The following NPSR1 variants were observed in gnomAD, a reference collection of about 807,000 sequenced individuals.
The protein encoded by NPSR1 is neuropeptide S receptor.
NPSR1 carries 48 observed loss-of-function variants against 46.9 expected under a neutral mutation model. The ratio of observed to expected loss-of-function variants is 1.02; its 90% CI spans 0.81 to 1.30. The LOEUF is 1.30. Among genes scored for constraint, NPSR1 ranks in the 50% most tolerant of loss-of-function variants. The pLI is 0.00. For synonymous variants in NPSR1, 176 were observed against 168.1 expected (o/e 1.05, Z -0.36); for missense variants, 450 against 449.5 (o/e 1.00, Z -0.01).
rs578245914 is a variant in NPSR1, at chr7:34,783,961, G to T, written c.384+5396G>T. On this transcript the variant is annotated intron_variant, in intron 3 of 8. Transcript: ENST00000360581. ...GAAAGATTTCCCCAGACAAACAAAA[G>T]CTGAAAGAGTTCATCACCACCAAAC... Among the ~76,000 whole-genome samples, 10 of 151,884 alleles carry T rather than the reference G, an allele frequency of 6.6e-5. No individual in the cohort carries two copies. In the South Asian group the frequency reaches 2.1e-3, roughly 32 times the overall value.
chr7:34,665,257 A>G (rs1288313420), intron 1 of NPSR1, among the ~76,000 whole-genome samples: 2 of 152,190 alleles, frequency 1.3e-5, no homozygotes, highest in African/African-American at 4.8e-5. Context: ...ACAGTAGCAA[A>G]CAGGTCAACT....
chr7:34,836,201 G>A (rs1790361660), intron 6 of NPSR1, among the ~76,000 whole-genome samples: 1 of 152,102 alleles, frequency 6.6e-6, no homozygotes, highest in African/African-American at 2.4e-5. Flanking sequence ...AGCAATCAGA[G>A]AGAATAAACA....
At position 34,757,278 on chromosome 7, in the gene NPSR1, G is replaced by T. The variant is rs148246227; in HGVS notation, c.281-21184G>T. ...TAGTCACTCCTTCTGTTAGGTTGGT[G>T]CAAAAGTAATTGCCATTACTTTTAG... On this transcript the variant is annotated intron_variant, in intron 2 of 8. Transcript: ENST00000360581. 9.2e-5 allele frequency among the ~76,000 whole-genome samples: 14 copies of T among 152,216 alleles called. No homozygotes were observed. The East Asian group carries it at 2.7e-3, about 29-fold the overall frequency.
At chr7:34,756,429 G>C (rs895128078) in intron 2 of NPSR1, among the ~76,000 whole-genome samples, 1 of 152,190 alleles carries the variant, frequency 6.6e-6, no homozygotes, top group Non-Finnish European at 1.5e-5. Flanking sequence ...AATGGAAAGA[G>C]CAGGGGTCTA....
At chr7:34,695,179 C>A (rs922516749) in intron 2 of NPSR1, among the ~76,000 whole-genome samples, 2 of 152,068 alleles carry the variant, frequency 1.3e-5, no homozygotes, top group African/African-American at 2.4e-5. Flanking sequence ...TGCAACCAAC[C>A]CATCTTTAAC....
intron 2 of NPSR1, among the ~76,000 whole-genome samples, chr7:34,771,636 A>C (rs1338674212): frequency 1.3e-5 from 2 of 152,236 alleles, no homozygotes; most frequent in African/African-American, 4.8e-5. Flanking sequence ...AATAAAGAAG[A>C]AAAGACACAA....
chr7:34,799,672 A>C lies in NPSR1; in HGVS notation c.385-12098A>C, dbSNP rs560691766. ...AACTGCATCAACTAACGAGCAAAATAACCAGCTAACATCATAATGACAGGA... is the reference window on the plus strand; with the variant it reads ...AACTGCATCAACTAACGAGCAAAATCACCAGCTAACATCATAATGACAGGA... On this transcript the variant is annotated intron_variant, in intron 3 of 8. Transcript: ENST00000360581. 3.2e-3 allele frequency among the ~76,000 whole-genome samples: 471 copies of C among 146,532 alleles called. 3 individuals carry two copies. The highest frequency in any genetic ancestry group is 5.6e-3 in the Non-Finnish European group (377 of 67,058).
chr7:34,772,364 G>C (rs1786725150), intron 2 of NPSR1, among the ~76,000 whole-genome samples: 1 of 152,224 alleles, frequency 6.6e-6, no homozygotes, highest in Non-Finnish European at 1.5e-5. Context: ...TTCTTTTGTT[G>C]TTCAGCTGTT....
intron 2 of NPSR1, among the ~76,000 whole-genome samples, chr7:34,714,271 C>T (rs991146104): frequency 3.9e-5 from 6 of 152,218 alleles, no homozygotes; most frequent in Admixed American, 3.9e-4. Context: ...AATGTCCATT[C>T]TGCCGCATTC....
intron 2 of NPSR1, among the ~76,000 whole-genome samples, chr7:34,704,637 G>A (rs1231232115): frequency 2.0e-5 from 3 of 152,198 alleles, no homozygotes; most frequent in Non-Finnish European, 2.9e-5. Flanking sequence ...CAGAGTTTGG[G>A]AGTCAGCCCA....
chr7:34,796,090 T>A (rs1056902375), intron 3 of NPSR1, among the ~76,000 whole-genome samples: 1 of 152,004 alleles, frequency 6.6e-6, no homozygotes, highest in African/African-American at 2.4e-5. Flanking sequence ...CCAGAAATAG[T>A]CTGGCAAAAA....
intron 4 of NPSR1, among the ~76,000 whole-genome samples, chr7:34,822,557 A>G (rs993128310): frequency 5.9e-5 from 9 of 152,278 alleles, no homozygotes; most frequent in African/African-American, 2.2e-4. Flanking sequence ...AATAAAGAGA[A>G]ATATGCAGTG....
intron 1 of NPSR1, among the ~76,000 whole-genome samples, chr7:34,675,969 C>T (rs1479836872): frequency 6.6e-6 from 1 of 152,142 alleles, no homozygotes; most frequent in African/African-American, 2.4e-5. Context: ...TTATGCCCAA[C>T]TATATTCTGC....
chr7:34,770,434 T>C (rs6947323), intron 2 of NPSR1, among the ~76,000 whole-genome samples: 1,953 of 152,310 alleles, frequency 0.013, 40 homozygotes, highest in African/African-American at 0.045. Flanking sequence ...TGCTTGCCAA[T>C]GCTTTTTTTG....
intron 3 of NPSR1, among the ~76,000 whole-genome samples, chr7:34,792,734 T>TATTTATATATA (rs58315247): frequency 3.2e-5 from 4 of 123,284 alleles, no homozygotes; most frequent in South Asian, 2.5e-4. Context: ...TATATATATA[T>TATTTATATATA]TAGCCAGGCA....
chr7:34,684,436 C>T, intron 1 of NPSR1, 116 bp from the exon 2 acceptor site: 1 of 940,770 alleles, frequency 1.1e-6, no homozygotes, highest in Non-Finnish European at 1.6e-6. Flanking sequence ...GAGAGTAGAG[C>T]TTCCAAAAGT....
chr7:34,691,107 A>G (rs1346643789), intron 2 of NPSR1, among the ~76,000 whole-genome samples: 1 of 152,186 alleles, frequency 6.6e-6, no homozygotes, highest in Non-Finnish European at 1.5e-5. Context: ...GCCAGCCAAG[A>G]TTTTCACATC....
chr7:34,754,456 A>G (rs1785712093), intron 2 of NPSR1, among the ~76,000 whole-genome samples: 1 of 152,134 alleles, frequency 6.6e-6, no homozygotes, highest in South Asian at 2.1e-4. Flanking sequence ...GAATTTTCAC[A>G]AACAGAAGAT....
chr7:34,696,282 G>A (rs1375231566), intron 2 of NPSR1, among the ~76,000 whole-genome samples: 1 of 151,916 alleles, frequency 6.6e-6, no homozygotes, highest in East Asian at 1.9e-4. Context: ...ATAAAAAGAT[G>A]GAAATAATAG....
Sources: gnomAD v4.1 joint callset for allele counts (sites outside exome capture counted in the v4.1 genomes callset) on GRCh38, gnomAD v4.1.1 for gene constraint, MANE v1.5 for transcripts, NCBI Gene and HGNC (gene_info 2026-07-23, HGNC 2026-07-21) for gene names.